The following NF1 variants were observed in gnomAD, a reference collection of about 807,000 sequenced individuals.
The protein encoded by NF1 is neurofibromin.
NF1 carries 122 observed loss-of-function variants against 325.7 expected under a neutral mutation model. The ratio of observed to expected loss-of-function variants is 0.37; its 90% CI spans 0.32 to 0.44. The LOEUF is 0.44. Among genes scored for constraint, NF1 ranks in the 20% least tolerant of loss-of-function variants. NF1 has a pLI of 1.00. For synonymous variants in NF1, 1,091 were observed against 1,186.0 expected, an observed-to-expected ratio of 0.92 and a Z score of 1.65; for missense variants, 2,140 against 3,415.4, an observed-to-expected ratio of 0.63 and a Z score of 9.31.
intron 57 of NF1, 144 bp downstream of exon 57, chr17:31,360,847 C>CA (rs2151588650): frequency 1.3e-6 from 1 of 742,280 alleles, no homozygotes; most frequent in African/African-American, 1.7e-5. Flanking sequence ...TTGTAACTGA[C>CA]TTGACTTTTG....
At chr17:31,191,770 T>G (rs2066346655) in intron 8 of NF1, among the ~76,000 whole-genome samples, 1 of 152,254 alleles carries the variant, frequency 6.6e-6, no homozygotes, top group Non-Finnish European at 1.5e-5. Flanking sequence ...GGCTTAAACA[T>G]TAATTTTCCA....
rs1555536888 is a variant in NF1 at position 31,358,505 on chromosome 17, A to G, written c.7996A>G (p.Asn2666Asp). The G allele has an allele frequency of 6.2e-7, 1 of 1,613,818 alleles. No homozygotes were observed. The highest frequency in any genetic ancestry group is 8.5e-7 in the Non-Finnish European group (1 of 1,179,890). ...VVHNLLDSKI[N>D]TLLSLCQDPN... The stretch of plus-strand genomic sequence containing the variant: ...GCATAATTTGTTGGACTCTAAGATC[A>G]ACACCCTGTTATCATTGTGCCAAGA... Residue 2666 changes from asparagine to aspartate, a missense_variant, in exon 55 of 58, where the codon AAC becomes GAC. Physicochemically the swap from Asn to Asp is conservative, Grantham distance 23. Coordinates refer to ENST00000358273, the MANE Select transcript of NF1 (RefSeq NM_001042492.3).
intron 36 of NF1, among the ~76,000 whole-genome samples, chr17:31,306,307 C>T (rs934492904): frequency 1.3e-5 from 2 of 152,066 alleles, no homozygotes; most frequent in Admixed American, 1.3e-4. Context: ...CTTTATGCCA[C>T]AATTCCTAAA....
chr17:31,365,658 G>A (rs1237734509), intron 57 of NF1, among the ~76,000 whole-genome samples: 2 of 152,192 alleles, frequency 1.3e-5, no homozygotes, highest in African/African-American at 4.8e-5. Context: ...TATGCAAGGG[G>A]CTCTTAGACC....
At chr17:31,341,343 G>A (rs914264835) in intron 47 of NF1, among the ~76,000 whole-genome samples, 1 of 152,024 alleles carries the variant, frequency 6.6e-6, no homozygotes, top group African/African-American at 2.4e-5. Flanking sequence ...TGGGCAACTT[G>A]CAAAACCCCA....
chr17:31,163,104 G>A (rs2143668888), intron 3 of NF1, 82 bp from the exon 4 acceptor site: 1 of 1,344,482 alleles, frequency 7.4e-7, no homozygotes, highest in Non-Finnish European at 1.1e-6. Flanking sequence ...TTTGTTCTGT[G>A]TGTGTGTTTG....
rs1131691073 is a variant in NF1 at position 31,340,553 on chromosome 17, C to A, written c.6970C>A (p.Gln2324Lys). The A allele has an allele frequency of 6.2e-7, 1 of 1,614,148 alleles. No individual in the cohort carries two copies. The highest frequency in any genetic ancestry group is 8.5e-7 in the Non-Finnish European group (1 of 1,180,020). Residue 2324 changes from glutamine to lysine, a missense_variant, in exon 47 of 58, where the codon CAG (glutamine) becomes AAG (lysine). Physicochemically the swap from Gln to Lys is moderately conservative, Grantham distance 53. Transcript: ENST00000358273. ...ALFWVAVAVL[Q>K]LDEVNLYSAG... ...CTTTTGGGTAGCTGTGGCTGTGCTG[C>A]AGCTTGATGAGGTCAACTTGTATTC...
intron 1 of NF1, among the ~76,000 whole-genome samples, chr17:31,111,520 G>T (rs988320742): frequency 3.9e-5 from 6 of 152,100 alleles, no homozygotes; most frequent in Non-Finnish European, 7.4e-5. Context: ...GGGGAAAAAA[G>T]GCACTGTGTT....
At chr17:31,337,734 A>C (rs1466835497) in intron 43 of NF1, 85 bp from the exon 44 acceptor site, 2 of 1,471,690 alleles carry the variant, frequency 1.4e-6, no homozygotes, top group Non-Finnish European at 1.9e-6. Flanking sequence ...GTAACAGGTC[A>C]CTTAATGACA....
rs878853921 is a variant in NF1, at chr17:31,182,625, A to C, written c.848A>C (p.Asp283Ala). 1 of 1,613,940 alleles carries C rather than the reference A, an allele frequency of 6.2e-7. No homozygotes were observed. Among genetic ancestry groups the C allele is most frequent in the Non-Finnish European group, 8.5e-7 (1 of 1,179,912 alleles). ...ATCTTGTGTCCAGAAATAATCCAGG[A>C]TATATCCAAAGACGTGGTTGATGAA... is the stretch of plus-strand genomic sequence containing the variant. ...LLILCPEIIQ[D>A]ISKDVVDENN... The change falls in exon 8 of 58, where the codon GAT (aspartate) becomes GCT (alanine). Residue 283 changes from aspartate (D) to alanine (A), a missense_variant. Coordinates refer to ENST00000358273, the MANE Select transcript of NF1 (RefSeq NM_001042492.3).
At chr17:31,146,230 G>A (rs1298886586) in intron 1 of NF1, among the ~76,000 whole-genome samples, 2 of 152,098 alleles carry the variant, frequency 1.3e-5, no homozygotes, top group African/African-American at 4.8e-5. Flanking sequence ...GTTGGCAGAC[G>A]GTTCAGGAAT....
intron 1 of NF1, among the ~76,000 whole-genome samples, chr17:31,139,300 G>A (rs1006490726): frequency 6.6e-5 from 10 of 151,528 alleles, no homozygotes; most frequent in Non-Finnish European, 1.0e-4. Flanking sequence ...GGCCTGCCTC[G>A]GCCTCTCAAA....
At chr17:31,356,216 A>G (rs1041885163) in intron 51 of NF1, 3 of 433,202 alleles carry the variant, frequency 6.9e-6, no homozygotes, top group Non-Finnish European at 1.3e-5. Context: ...TGTACAGAAT[A>G]CAATCTCAGT....
In NF1 at chr17:31,181,712, A is replaced by C. The variant is rs2143777330; in HGVS notation, c.657A>C (p.Ala219=). 6.2e-7 allele frequency: 1 copy of C among 1,606,638 alleles called. No individual in the cohort carries two copies. The highest frequency in any genetic ancestry group is 2.2e-5 in the East Asian group (1 of 44,748). The change falls in exon 7 of 58, where the codon GCA becomes GCC. Residue 219 remains alanine (A), a splice_region_variant and synonymous_variant. Transcript: ENST00000358273. ...QLAVINSLEK[A]FWNWVENYPD... Reference sequence around the variant, plus strand: ...GACATGTGGTTCTTTATTTATAGGCATTTTGGAACTGGGTAGAAAATTATC... The same window carrying C: ...GACATGTGGTTCTTTATTTATAGGCCTTTTGGAACTGGGTAGAAAATTATC...
intron 37 of NF1, 123 bp downstream of exon 37, chr17:31,326,375 C>A: frequency 1.1e-6 from 1 of 951,192 alleles, no homozygotes; most frequent in Non-Finnish European, 1.6e-6. Flanking sequence ...AAGGCTGTCG[C>A]GGTGGCTCAC....
rs2151539035 is a variant in NF1 at position 31,326,226 on chromosome 17, C to G, written c.5242C>G (p.His1748Asp). Residue 1748 changes from histidine (H) to aspartate (D), a missense_variant, in exon 37 of 58, where the codon CAC (histidine) becomes GAC (aspartate). Transcript: ENST00000358273. ...KVFHNALKLA[H>D]KDTKVSIKVG... The stretch of plus-strand genomic sequence containing the variant: ...ATTCCACAATGCTCTCAAGCTAGCT[C>G]ACAAAGACACCAAAGTTTCTATTAA... 1 of 1,610,972 alleles carries G rather than the reference C, an allele frequency of 6.2e-7. No homozygotes were observed. Among genetic ancestry groups the G allele is most frequent in the South Asian group, 1.1e-5 (1 of 91,080 alleles).
At chr17:31,287,319 T>G (rs1395729016) in intron 36 of NF1, among the ~76,000 whole-genome samples, 1 of 152,220 alleles carries the variant, frequency 6.6e-6, no homozygotes, top group Non-Finnish European at 1.5e-5. Context: ...TTAAAACACC[T>G]TCTGGAGTAT....
At chr17:31,200,117 C>G (rs1267186271) in intron 8 of NF1, among the ~76,000 whole-genome samples, 9 of 142,822 alleles carry the variant, frequency 6.3e-5, no homozygotes, top group Non-Finnish European at 1.2e-4. Flanking sequence ...GCCTGGGCAA[C>G]AGAGGAAGAC....
At chr17:31,160,251 AT>A (rs956666214) in intron 3 of NF1, among the ~76,000 whole-genome samples, 5 of 151,570 alleles carry the variant, frequency 3.3e-5, no homozygotes, top group Non-Finnish European at 7.4e-5. Context: ...ATGCTCAGCT[AT>A]TTTTTTTGTA....
Sources: allele counts gnomAD v4.1 joint callset (sites outside exome capture counted in the v4.1 genomes callset), GRCh38; gene constraint gnomAD v4.1.1; transcripts MANE v1.5; gene names NCBI Gene and HGNC (gene_info 2026-07-23, HGNC 2026-07-21).